SUPT3H: variants seen among roughly 807,000 people sequenced by gnomAD.
The protein encoded by SUPT3H is transcription initiation protein SPT3 homolog.
In SUPT3H, 44 loss-of-function variants were observed where a neutral mutation model predicts 44.3. That is an observed-to-expected ratio of 0.99 (90% CI 0.78 to 1.28). The LOEUF (loss-of-function observed/expected upper bound fraction) is 1.28. Among genes scored for constraint, SUPT3H ranks in the 50% most tolerant of loss-of-function variants. The pLI, the probability that SUPT3H is intolerant of heterozygous loss-of-function variation, is 0.00. For missense variants in SUPT3H, 380 were observed against 387.1 expected, an observed-to-expected ratio of 0.98 and a Z score of 0.15; for synonymous variants, 124 against 125.6, an observed-to-expected ratio of 0.99 and a Z score of 0.09.
intron 10 of SUPT3H, among the ~76,000 whole-genome samples, chr6:44,854,217 G>C (rs1356264499): frequency 6.6e-6 from 1 of 152,028 alleles, no homozygotes; most frequent in Non-Finnish European, 1.5e-5. Context: ...ATGAATGCAG[G>C]AATGATTTTT....
intron 2 of SUPT3H, among the ~76,000 whole-genome samples, chr6:45,323,852 T>C (rs1039103640): frequency 1.3e-5 from 2 of 152,120 alleles, no homozygotes; most frequent in Non-Finnish European, 2.9e-5. Context: ...TATACTATAA[T>C]GTCCTACAGT....
chr6:45,031,505 T>G (rs1786933734), intron 3 of SUPT3H, among the ~76,000 whole-genome samples: 1 of 152,188 alleles, frequency 6.6e-6, no homozygotes, highest in Non-Finnish European at 1.5e-5. Flanking sequence ...CTCTAATAAT[T>G]TCTCATGTAA....
intron 3 of SUPT3H, among the ~76,000 whole-genome samples, chr6:45,049,461 T>C (rs1382248128): frequency 2.6e-5 from 4 of 152,192 alleles, no homozygotes; most frequent in Non-Finnish European, 5.9e-5. Flanking sequence ...ACTCAACTTT[T>C]ACCTTCACAA....
rs1767814189 is a variant in SUPT3H, at chr6:45,230,662, CT to C, written c.102-124657del. ...AAATCATGTTTTAAATTCATTCAGT[CT>C]ATATATATATATATATATATATATT... is the stretch of plus-strand genomic sequence containing the variant. On this transcript the variant is annotated intron_variant, in intron 2 of 10. Transcript: ENST00000371459. Among the ~76,000 whole-genome samples the C allele has an allele frequency of 6.8e-3, 465 of 68,678 alleles. 42 individuals are homozygous for C. The highest frequency in any genetic ancestry group is 0.016 in the African/African-American group (311 of 19,196). The allele number at this position is 68,678 out of a possible 152,430, so 45.1% of individuals were successfully genotyped here.
chr6:45,212,855 T>C (rs1214884196), intron 2 of SUPT3H, among the ~76,000 whole-genome samples: 2 of 152,150 alleles, frequency 1.3e-5, no homozygotes, highest in Non-Finnish European at 2.9e-5. Flanking sequence ...ACAGGTGATG[T>C]CCTTCCCCCA....
intron 3 of SUPT3H, among the ~76,000 whole-genome samples, chr6:45,037,436 C>T (rs2153527822): frequency 6.7e-6 from 1 of 149,838 alleles, no homozygotes; most frequent in South Asian, 2.1e-4. Flanking sequence ...ATCACAAGGT[C>T]AGGAGTTAGA....
At chr6:44,866,317 T>C (rs1387107779) in intron 10 of SUPT3H, among the ~76,000 whole-genome samples, 2 of 151,814 alleles carry the variant, frequency 1.3e-5, no homozygotes, top group East Asian at 3.9e-4. Flanking sequence ...AGAAAGAAAA[T>C]ACTAAAAATG....
chr6:45,290,911 A>C (rs1780207210), intron 2 of SUPT3H, among the ~76,000 whole-genome samples: 1 of 152,206 alleles, frequency 6.6e-6, no homozygotes, highest in Non-Finnish European at 1.5e-5. Context: ...AGGCAGGACT[A>C]GACTGCAGCT....
intron 2 of SUPT3H, among the ~76,000 whole-genome samples, chr6:45,150,346 A>G (rs994240976): frequency 2.6e-5 from 4 of 152,166 alleles, no homozygotes; most frequent in African/African-American, 9.6e-5. Flanking sequence ...ACATCAGTCA[A>G]ACATACATGG....
intron 2 of SUPT3H, among the ~76,000 whole-genome samples, chr6:45,280,709 A>C (rs1777871978): frequency 6.6e-6 from 1 of 152,254 alleles, no homozygotes; most frequent in African/African-American, 2.4e-5. Context: ...ATTGTGGATA[A>C]GAGGAAACCA....
intron 2 of SUPT3H, among the ~76,000 whole-genome samples, chr6:45,115,298 T>C (rs1187707371): frequency 6.6e-6 from 1 of 152,140 alleles, no homozygotes; most frequent in East Asian, 1.9e-4. Context: ...TTTTGTACCA[T>C]CAGATCTTTA....
intron 10 of SUPT3H, among the ~76,000 whole-genome samples, chr6:44,922,748 C>T (rs907251828): frequency 6.6e-6 from 1 of 152,084 alleles, no homozygotes; most frequent in Non-Finnish European, 1.5e-5. Flanking sequence ...ACTTAATGTA[C>T]TGAAAGAGTC....
chr6:45,096,755 C>T (rs1165538852), intron 3 of SUPT3H, among the ~76,000 whole-genome samples: 1 of 151,866 alleles, frequency 6.6e-6, no homozygotes, highest in Non-Finnish European at 1.5e-5. Flanking sequence ...TGATATTCAA[C>T]AAAATATCAA....
chr6:44,853,887 T>C (rs970646389), intron 10 of SUPT3H, among the ~76,000 whole-genome samples: 1 of 151,948 alleles, frequency 6.6e-6, no homozygotes, highest in African/African-American at 2.4e-5. Flanking sequence ...GGAAATTTCA[T>C]TTACAAAAGT....
At chr6:44,856,788 A>G (rs1328663779) in intron 10 of SUPT3H, among the ~76,000 whole-genome samples, 1 of 152,234 alleles carries the variant, frequency 6.6e-6, no homozygotes, top group African/African-American at 2.4e-5. Context: ...GCACGGCAAC[A>G]TGACATAACT....
chr6:45,113,421 T>C (rs1800363067), intron 2 of SUPT3H, among the ~76,000 whole-genome samples: 1 of 152,238 alleles, frequency 6.6e-6, no homozygotes, highest in Non-Finnish European at 1.5e-5. Flanking sequence ...AAATTAGCCT[T>C]GCTCTTCAAA....
intron 2 of SUPT3H, among the ~76,000 whole-genome samples, chr6:45,186,209 T>C (rs1194541116): frequency 2.0e-5 from 3 of 152,084 alleles, no homozygotes; most frequent in Non-Finnish European, 4.4e-5. Flanking sequence ...AGCCCTCATG[T>C]TACACTTCAA....
chr6:44,861,752 G>A (rs1582046588), intron 10 of SUPT3H, among the ~76,000 whole-genome samples: 1 of 152,076 alleles, frequency 6.6e-6, no homozygotes, highest in Non-Finnish European at 1.5e-5. Flanking sequence ...GCTAAGAAGG[G>A]CCCTGGAAGT....
intron 3 of SUPT3H, among the ~76,000 whole-genome samples, chr6:45,100,559 A>AAAAAAAAAAAAAAAAAAAAAC: frequency 6.7e-6 from 1 of 149,224 alleles, no homozygotes; most frequent in Non-Finnish European, 1.5e-5. Context: ...AAAAAAAAAA[A>AAAAAAAAAAAAAAAAAAAAAC]AAAAAGACAC....
Sources: gnomAD v4.1 joint callset for allele counts (sites outside exome capture counted in the v4.1 genomes callset) on GRCh38, gnomAD v4.1.1 for gene constraint, MANE v1.5 for transcripts, NCBI Gene and HGNC (gene_info 2026-07-23, HGNC 2026-07-21) for gene names.